Variants in TENM3 observed in about 807,000 individuals in gnomAD.
TENM3 encodes teneurin-3.
A neutral mutation model predicts 255.1 loss-of-function variants in TENM3; 63 were observed. That is an observed-to-expected ratio of 0.25 (90% CI 0.20 to 0.30). The LOEUF (loss-of-function observed/expected upper bound fraction) is 0.30. Among genes scored for constraint, TENM3 ranks in the 10% least tolerant of loss-of-function variants. The pLI, the probability that TENM3 is intolerant of heterozygous loss-of-function variation, is 1.00. For missense variants in TENM3, 2,929 were observed against 3,461.1 expected, an observed-to-expected ratio of 0.85 and a Z score of 3.86; for synonymous variants, 1,306 against 1,322.3, an observed-to-expected ratio of 0.99 and a Z score of 0.27.
chr4:182,198,986 C>T (rs1293604673), intron 1 of TENM3, among the ~76,000 whole-genome samples: 1 of 152,048 alleles, frequency 6.6e-6, no homozygotes, highest in East Asian at 1.9e-4. Flanking sequence ...CTACTTCTGC[C>T]TCATTTTGCA....
chr4:181,572,837 TTCTA>T, the TENM3 span, among the ~76,000 whole-genome samples: 1 of 152,200 alleles, frequency 6.6e-6, no homozygotes, highest in Non-Finnish European at 1.5e-5. Context: ...ACCTTATCCA[TTCTA>T]TCTAACTATA....
At chr4:182,433,588 C>A (rs1025701749) in intron 3 of TENM3, among the ~76,000 whole-genome samples, 1 of 152,166 alleles carries the variant, frequency 6.6e-6, no homozygotes, top group African/African-American at 2.4e-5. Flanking sequence ...TGAGAAAAAT[C>A]ACTTCGTCAA....
At chr4:182,411,229 CAGAA>C (rs1769961912) in intron 3 of TENM3, among the ~76,000 whole-genome samples, 1 of 152,192 alleles carries the variant, frequency 6.6e-6, no homozygotes, top group African/African-American at 2.4e-5. Flanking sequence ...TGTGATTACA[CAGAA>C]AGTAATTTCT....
At chr4:181,483,305 G>A in the TENM3 span, among the ~76,000 whole-genome samples, 2 of 152,060 alleles carry the variant, frequency 1.3e-5, no homozygotes, top group Non-Finnish European at 2.9e-5. Context: ...TCTCTGGTGA[G>A]AGGTATAATT....
chr4:181,777,959 T>C, the TENM3 span, among the ~76,000 whole-genome samples: 56 of 152,190 alleles, frequency 3.7e-4, 2 homozygotes, highest in South Asian at 0.011. Context: ...TAGCTTATAA[T>C]TAAATACAGT....
chr4:181,661,852 T>C, the TENM3 span, among the ~76,000 whole-genome samples: 1,248 of 152,158 alleles, frequency 8.2e-3, 17 homozygotes, highest in African/African-American at 0.028. Flanking sequence ...AAAGAGTCCT[T>C]TTGAAAGTCC....
At chr4:182,362,399 T>C (rs1455780408) in intron 3 of TENM3, among the ~76,000 whole-genome samples, 1 of 152,002 alleles carries the variant, frequency 6.6e-6, no homozygotes, top group African/African-American at 2.4e-5. Context: ...CCGGCTGCTT[T>C]GTTTACCTAA....
chr4:181,564,047 T>C, the TENM3 span, among the ~76,000 whole-genome samples: 262 of 146,312 alleles, frequency 1.8e-3, no homozygotes, highest in African/African-American at 6.2e-3. Flanking sequence ...TTTCTTTTTT[T>C]TTTTTTTTTT....
At chr4:181,847,285 A>G in the TENM3 span, among the ~76,000 whole-genome samples, 1 of 152,236 alleles carries the variant, frequency 6.6e-6, no homozygotes. Context: ...TAAATTTGGA[A>G]AATAAAAGAG....
intron 4 of TENM3, among the ~76,000 whole-genome samples, chr4:182,625,928 T>A (rs897687471): frequency 2.6e-5 from 4 of 152,202 alleles, no homozygotes; most frequent in African/African-American, 9.7e-5. Flanking sequence ...CCCTGTTCCT[T>A]ACTTTTTGGT....
chr4:181,780,956 G>A, the TENM3 span, among the ~76,000 whole-genome samples: 1 of 151,928 alleles, frequency 6.6e-6, no homozygotes, highest in Non-Finnish European at 1.5e-5. Flanking sequence ...ATTTCTGAGG[G>A]CTCTGTTCTG....
the TENM3 span, among the ~76,000 whole-genome samples, chr4:181,571,278 G>A: frequency 6.6e-6 from 1 of 152,146 alleles, no homozygotes; most frequent in Non-Finnish European, 1.5e-5. Context: ...TGCTGGGTCC[G>A]TGAACAGTAA....
the TENM3 span, among the ~76,000 whole-genome samples, chr4:182,105,680 G>A: frequency 1.3e-5 from 2 of 152,198 alleles, no homozygotes; most frequent in African/African-American, 4.8e-5. Context: ...TCTACATAGA[G>A]CGTTGCCAAC....
the TENM3 span, among the ~76,000 whole-genome samples, chr4:181,938,827 C>A: frequency 6.6e-6 from 1 of 152,172 alleles, no homozygotes; most frequent in Non-Finnish European, 1.5e-5. Context: ...CTAGGTCTGG[C>A]ACCCAGAATA....
the TENM3 span, among the ~76,000 whole-genome samples, chr4:181,588,346 C>G: frequency 1.3e-5 from 2 of 152,130 alleles, no homozygotes; most frequent in African/African-American, 4.8e-5. Flanking sequence ...TTCGTTGACA[C>G]CTAAAAGAAC....
the TENM3 span, among the ~76,000 whole-genome samples, chr4:181,569,642 C>A: frequency 2.6e-5 from 4 of 152,008 alleles, no homozygotes; most frequent in Non-Finnish European, 4.4e-5. Flanking sequence ...TTGTATAGGC[C>A]CTAAGGTGTA....
the TENM3 span, among the ~76,000 whole-genome samples, chr4:181,756,695 G>A: frequency 2.0e-5 from 3 of 152,218 alleles, no homozygotes; most frequent in East Asian, 1.9e-4. Flanking sequence ...GCAAATGTTA[G>A]GGCTAACAAC....
chr4:181,969,318 G>C, the TENM3 span, among the ~76,000 whole-genome samples: 1 of 152,256 alleles, frequency 6.6e-6, no homozygotes, highest in East Asian at 1.9e-4. Context: ...CTTTAAAGAT[G>C]TTACAGTTAG....
At chr4:181,851,681 A>C in the TENM3 span, among the ~76,000 whole-genome samples, 1 of 152,186 alleles carries the variant, frequency 6.6e-6, no homozygotes, top group African/African-American at 2.4e-5. Context: ...CTACTCAAAG[A>C]CAAACAATAA....
Sources: allele counts gnomAD v4.1 joint callset (sites outside exome capture counted in the v4.1 genomes callset), GRCh38; gene constraint gnomAD v4.1.1; transcripts MANE v1.5; gene names NCBI Gene and HGNC (gene_info 2026-07-23, HGNC 2026-07-21).